The following CNTNAP2 variants were observed in gnomAD, a reference collection of about 807,000 sequenced individuals.
CNTNAP2 encodes contactin associated protein 2, also known as contactin-associated protein-like 2.
In CNTNAP2, 98 loss-of-function variants were observed where a neutral mutation model predicts 155.2. That is an observed-to-expected ratio of 0.63 (90% CI 0.54 to 0.75). The LOEUF is 0.75. Ranked by LOEUF, CNTNAP2 falls within the 30% of genes least tolerant of loss-of-function variation. The pLI is 0.00. For synonymous variants in CNTNAP2, 651 were observed against 631.2 expected (o/e 1.03, Z -0.47); for missense variants, 1,727 against 1,688.1 (o/e 1.02, Z -0.40).
intron 14 of CNTNAP2, among the ~76,000 whole-genome samples, chr7:147,970,505 A>T (rs574766769): frequency 6.6e-6 from 1 of 152,162 alleles, no homozygotes; most frequent in Non-Finnish European, 1.5e-5. Flanking sequence ...TGCGCAGATC[A>T]CTTAAGTCAG....
chr7:148,092,575 T>C (rs565783889), intron 15 of CNTNAP2, among the ~76,000 whole-genome samples: 1 of 152,296 alleles, frequency 6.6e-6, no homozygotes, highest in East Asian at 1.9e-4. Context: ...CTTCACTGGC[T>C]AGTCCGAAGC....
chr7:147,422,380 G>T (rs1797310040), intron 10 of CNTNAP2, among the ~76,000 whole-genome samples: 1 of 150,998 alleles, frequency 6.6e-6, no homozygotes, highest in Admixed American at 6.6e-5. Context: ...TATATACATT[G>T]TGTATGTATA....
intron 4 of CNTNAP2, among the ~76,000 whole-genome samples, chr7:147,055,249 T>C (rs1799538381): frequency 6.6e-6 from 1 of 152,238 alleles, no homozygotes; most frequent in Admixed American, 6.5e-5. Flanking sequence ...ATCACGGCTC[T>C]ATGGAAAATC....
chr7:146,865,445 A>C (rs984975248), intron 3 of CNTNAP2, among the ~76,000 whole-genome samples: 1 of 152,170 alleles, frequency 6.6e-6, no homozygotes, highest in Non-Finnish European at 1.5e-5. Context: ...ATAGCTGTAA[A>C]TATAAATATA....
At chr7:147,352,608 G>T (rs964526480) in intron 9 of CNTNAP2, among the ~76,000 whole-genome samples, 1 of 151,922 alleles carries the variant, frequency 6.6e-6, no homozygotes, top group African/African-American at 2.4e-5. Context: ...ATACTTTATG[G>T]TATTGACACA....
intron 1 of CNTNAP2, among the ~76,000 whole-genome samples, chr7:146,573,245 T>G (rs1007578176): frequency 6.6e-6 from 1 of 151,966 alleles, no homozygotes; most frequent in African/African-American, 2.4e-5. Flanking sequence ...CAGGTTCAAG[T>G]GATTCTCCTG....
chr7:146,583,181 AT>A (rs1798638538), intron 1 of CNTNAP2, among the ~76,000 whole-genome samples: 2 of 152,092 alleles, frequency 1.3e-5, no homozygotes, highest in South Asian at 4.1e-4. Flanking sequence ...AGCTTTGAGG[AT>A]CTTGTATTGA....
chr7:146,848,073 A>G (rs1415841323), intron 3 of CNTNAP2, among the ~76,000 whole-genome samples: 2 of 152,216 alleles, frequency 1.3e-5, no homozygotes, highest in Non-Finnish European at 1.5e-5. Flanking sequence ...CTGGTTAGCC[A>G]TGAAAGGACA....
intron 1 of CNTNAP2, among the ~76,000 whole-genome samples, chr7:146,752,580 C>G (rs552470024): frequency 6.6e-6 from 1 of 152,290 alleles, no homozygotes; most frequent in South Asian, 2.1e-4. Context: ...CTGATTCACT[C>G]TGATGCTAGT....
intron 8 of CNTNAP2, among the ~76,000 whole-genome samples, chr7:147,158,389 A>C (rs541377042): frequency 6.6e-6 from 1 of 152,224 alleles, no homozygotes; most frequent in African/African-American, 2.4e-5. Context: ...CATTCCTAAT[A>C]ATGCTATTTA....
chr7:148,179,540 T>G (rs2972120), intron 18 of CNTNAP2, among the ~76,000 whole-genome samples: 90,329 of 131,004 alleles, frequency 0.69, 28,578 homozygotes, highest in South Asian at 0.73. Context: ...AGAGAGGGAG[T>G]GAGAGAGGGA....
At chr7:147,440,870 C>G (rs1193339380) in intron 10 of CNTNAP2, among the ~76,000 whole-genome samples, 1 of 152,046 alleles carries the variant, frequency 6.6e-6, no homozygotes, top group Non-Finnish European at 1.5e-5. Context: ...TGTTTCTTTT[C>G]TCTTGCTGCT....
intron 13 of CNTNAP2, among the ~76,000 whole-genome samples, chr7:147,693,826 C>A (rs891863790): frequency 6.6e-6 from 1 of 151,868 alleles, no homozygotes; most frequent in Non-Finnish European, 1.5e-5. Flanking sequence ...AATATGTATA[C>A]CTTTTCTTTT....
chr7:146,226,564 T>TG (rs1204291677), intron 1 of CNTNAP2, among the ~76,000 whole-genome samples: 2 of 151,700 alleles, frequency 1.3e-5, no homozygotes, highest in Non-Finnish European at 2.9e-5. Context: ...GAGGCTGAGG[T>TG]GGAAAGGATT....
intron 22 of CNTNAP2, among the ~76,000 whole-genome samples, chr7:148,407,044 T>C (rs1799717627): frequency 6.6e-6 from 1 of 152,206 alleles, no homozygotes; most frequent in Admixed American, 6.5e-5. Context: ...GAAAGAAGTC[T>C]GACATATAGT....
At chr7:146,927,073 T>C (rs1410732994) in intron 3 of CNTNAP2, among the ~76,000 whole-genome samples, 1 of 152,128 alleles carries the variant, frequency 6.6e-6, no homozygotes, top group Non-Finnish European at 1.5e-5. Context: ...AAAGAAGCAA[T>C]CTTGGCAGAC....
chr7:148,388,904 G>C (rs1799280216), intron 22 of CNTNAP2, among the ~76,000 whole-genome samples: 1 of 152,142 alleles, frequency 6.6e-6, no homozygotes, highest in African/African-American at 2.4e-5. Context: ...TTTTGTCTCA[G>C]AGGAGTACCC....
intron 1 of CNTNAP2, among the ~76,000 whole-genome samples, chr7:146,157,813 G>A (rs1798151895): frequency 6.6e-6 from 1 of 152,224 alleles, no homozygotes; most frequent in South Asian, 2.1e-4. Flanking sequence ...TGGGGGCAGG[G>A]CATAGTTGAA....
Position 148,308,593 on chromosome 7 carries a change from T to C in CNTNAP2, c.3475+41467T>C, listed in dbSNP as rs528600204. 6.6e-5 allele frequency among the ~76,000 whole-genome samples: 10 copies of C among 150,838 alleles called. No individual in the cohort carries two copies. In the South Asian group the frequency reaches 2.1e-3, roughly 32 times the overall value. On this transcript the variant is annotated intron_variant, in intron 21 of 23. Coordinates refer to ENST00000361727, the MANE Select transcript of CNTNAP2 (RefSeq NM_014141.6). ...TATTTATTTATTTATTTATTTATTATACTTTAAGTTCTGGGGTACATGTAC... is the reference window on the plus strand; with the variant it reads ...TATTTATTTATTTATTTATTTATTACACTTTAAGTTCTGGGGTACATGTAC...
Sources: allele counts gnomAD v4.1 joint callset (sites outside exome capture counted in the v4.1 genomes callset), GRCh38; gene constraint gnomAD v4.1.1; transcripts MANE v1.5; gene names NCBI Gene and HGNC (gene_info 2026-07-23, HGNC 2026-07-21).